CD163L1: variants seen among roughly 807,000 people sequenced by gnomAD.
The protein encoded by CD163L1 is scavenger receptor cysteine-rich type 1 protein M160.
Under a neutral mutation model 165.4 loss-of-function variants are expected in CD163L1, and 124 were observed. The ratio of observed to expected loss-of-function variants is 0.75; its 90% CI spans 0.65 to 0.87. The LOEUF is 0.87. Among genes scored for constraint, CD163L1 ranks in the 40% least tolerant of loss-of-function variants. The probability of loss-of-function intolerance (pLI) is 0.00; values close to 1 mark genes in which losing one functional copy is unlikely to be tolerated. For synonymous variants in CD163L1, 585 were observed against 662.2 expected, an observed-to-expected ratio of 0.88 and a Z score of 1.79; for missense variants, 1,525 against 1,799.9, an observed-to-expected ratio of 0.85 and a Z score of 2.76.
chr12:7,416,190 T>C (rs192907544), intron 4 of CD163L1, among the ~76,000 whole-genome samples: 4 of 152,372 alleles, frequency 2.6e-5, no homozygotes, highest in Non-Finnish European at 4.4e-5. Context: ...GATGAGCTTT[T>C]TTTCATATGT....
intron 18 of CD163L1, among the ~76,000 whole-genome samples, chr12:7,364,426 A>G (rs1160970495): frequency 6.6e-6 from 1 of 152,182 alleles, no homozygotes; most frequent in African/African-American, 2.4e-5. Context: ...ATAATACTGG[A>G]AGTCCCAGCC....
In CD163L1 at chr12:7,368,703, AG is replaced by A. The variant is rs200093929; in HGVS notation, c.4072+229del. ...TGAGAATCTAGAAAGATTATCTATG[AG>A]GGTACCATGAGAGTCTTATCCTTCT... On this transcript the variant is annotated intron_variant, in intron 16 of 19. Transcript: ENST00000313599. This position sits in a 1 kb window ranked among gnomAD's most constrained non-coding sequence, Gnocchi z 4.3. The A allele has an allele frequency of 3.3e-3, 1,619 of 493,726 alleles. 32 individuals are homozygous for A. Among genetic ancestry groups the A allele is most frequent in the African/African-American group, 0.028 (1,450 of 52,326 alleles). 30.6% of individuals were successfully genotyped at this position (493,726 alleles called of 1,614,324 possible).
At chr12:7,327,037 C>T in the CD163L1 span, 11 of 1,612,576 alleles carry the variant, frequency 6.8e-6, no homozygotes, top group Non-Finnish European at 9.3e-6. Flanking sequence ...GAGAAATTAA[C>T]TCTTGAACTT....
the CD163L1 span, among the ~76,000 whole-genome samples, chr12:7,332,268 A>G: frequency 6.6e-6 from 1 of 152,204 alleles, no homozygotes; most frequent in Non-Finnish European, 1.5e-5. Flanking sequence ...AGCCTCCAAG[A>G]AATATGGGAC....
intron 19 of CD163L1, 48 bp downstream of exon 19, chr12:7,357,332 G>T: frequency 8.3e-7 from 1 of 1,206,426 alleles, no homozygotes; most frequent in Non-Finnish European, 1.2e-6. Context: ...CTGCGACAGT[G>T]GGAGATTAAA....
Position 7,375,739 on chromosome 12 carries a change from T to G in CD163L1, c.2647A>C (p.Thr883Pro), listed in dbSNP as rs555856468. ...CCAACTTCTCTGCTGTGGATACAAG[T>G]GTCTTCCGGATGTTGAACAATGGGG... ...LCPIVQHPEDTCIHSREVGVV... is the reference protein window; with the variant it reads ...LCPIVQHPEDPCIHSREVGVV... Residue 883 changes from threonine to proline, a missense_variant, in exon 10 of 20, where the codon ACT becomes CCT. Coordinates refer to ENST00000313599, the MANE Select transcript of CD163L1 (RefSeq NM_174941.6). 13 of 1,614,122 alleles carry G rather than the reference T, an allele frequency of 8.1e-6. No homozygotes were observed. The highest frequency in any genetic ancestry group is 1.1e-5 in the Non-Finnish European group (13 of 1,180,048).
At chr12:7,331,227 G>A in the CD163L1 span, among the ~76,000 whole-genome samples, 1 of 152,242 alleles carries the variant, frequency 6.6e-6, no homozygotes, top group Non-Finnish European at 1.5e-5. Context: ...AGATGGCAGC[G>A]AGGCTGGAGG....
At chr12:7,399,143 T>C (rs764593567) in intron 6 of CD163L1, among the ~76,000 whole-genome samples, 17 of 151,944 alleles carry the variant, frequency 1.1e-4, no homozygotes, top group South Asian at 2.1e-4. Flanking sequence ...TTCCTTCCTT[T>C]CTTCCTTCCT....
chr12:7,351,727 A>G (rs79065924), downstream of CD163L1, among the ~76,000 whole-genome samples: 10,234 of 152,242 alleles, frequency 0.067, 492 homozygotes, highest in African/African-American at 0.13. Context: ...TCTCTCTAAA[A>G]TAAACCAGGG....
chr12:7,371,100 A>G (rs1458050415), intron 14 of CD163L1, among the ~76,000 whole-genome samples: 1 of 152,166 alleles, frequency 6.6e-6, no homozygotes, highest in Non-Finnish European at 1.5e-5. Context: ...CCACCATGTA[A>G]GACGTGACTT....
intron 4 of CD163L1, among the ~76,000 whole-genome samples, chr12:7,421,610 TAC>T (rs1565810782): frequency 5.1e-5 from 1 of 19,702 alleles, no homozygotes; most frequent in Non-Finnish European, 2.5e-4. Context: ...TGTACACATA[TAC>T]ATATATGTAC....
At chr12:7,324,296 C>T in the CD163L1 span, 1 of 1,613,046 alleles carries the variant, frequency 6.2e-7, no homozygotes, top group Non-Finnish European at 8.5e-7. Context: ...AAACTGCTGC[C>T]ACGATAAGAG....
chr12:7,331,130 G>A, the CD163L1 span, among the ~76,000 whole-genome samples: 3 of 152,254 alleles, frequency 2.0e-5, no homozygotes, highest in African/African-American at 7.2e-5. Context: ...GGCACACCAG[G>A]AGATTATATC....
intron 4 of CD163L1, among the ~76,000 whole-genome samples, chr12:7,430,303 G>A (rs1948606894): frequency 6.6e-6 from 1 of 152,100 alleles, no homozygotes. Flanking sequence ...AAGACTTTAA[G>A]TTCTTTCAGA....
rs1275262134 is a variant in CD163L1 at position 7,395,757 on chromosome 12, G to T, written c.2050+338C>A. On this transcript the variant is annotated intron_variant, in intron 8 of 19. Coordinates refer to ENST00000313599, the MANE Select transcript of CD163L1 (RefSeq NM_174941.6). Reference sequence around the variant, plus strand: ...AGAGACTGGGTGATTCAACACAAGGGTTTATTTATTTAAATAAATAACTGA... The same window carrying T: ...AGAGACTGGGTGATTCAACACAAGGTTTTATTTATTTAAATAAATAACTGA... Among the ~76,000 whole-genome samples, 5 of 151,830 alleles carry T rather than the reference G, an allele frequency of 3.3e-5. No homozygotes were observed. The East Asian group carries it at 9.7e-4, about 29-fold the overall frequency.
At chr12:7,431,030 T>G (rs1403220130) in intron 4 of CD163L1, among the ~76,000 whole-genome samples, 3 of 151,238 alleles carry the variant, frequency 2.0e-5, no homozygotes, top group African/African-American at 7.3e-5. Flanking sequence ...TACAGAGAGG[T>G]CACTGGGGAG....
the CD163L1 span, among the ~76,000 whole-genome samples, chr12:7,331,462 T>A: frequency 1.3e-5 from 2 of 152,214 alleles, no homozygotes; most frequent in African/African-American, 2.4e-5. Context: ...CAGCTTGAGA[T>A]CTGAGAACAG....
chr12:7,438,734 T>G (rs2136649917), intron 2 of CD163L1: 20 of 1,060,354 alleles, frequency 1.9e-5, no homozygotes, highest in Non-Finnish European at 2.7e-5. Context: ...TGAAATGTCT[T>G]GGCCACTCAA....
intron 8 of CD163L1, among the ~76,000 whole-genome samples, chr12:7,391,122 G>A (rs752543208): frequency 1.3e-5 from 2 of 152,250 alleles, no homozygotes; most frequent in South Asian, 2.1e-4. Flanking sequence ...CTGCAGCTGA[G>A]GGACCTGACT....
Sources: allele counts gnomAD v4.1 joint callset (sites outside exome capture counted in the v4.1 genomes callset), GRCh38; gene constraint gnomAD v4.1.1; non-coding constraint Gnocchi (gnomAD v3.1); transcripts MANE v1.5; gene names NCBI Gene and HGNC (gene_info 2026-07-23, HGNC 2026-07-21).